Variants in ATAD1 observed in about 807,000 individuals in gnomAD.
ATAD1 encodes the protein ATPase family AAA domain containing 1, also known as outer mitochondrial transmembrane helix translocase.
ATAD1 carries 18 observed loss-of-function variants against 42.7 expected under a neutral mutation model. That is an observed-to-expected ratio of 0.42 (90% CI 0.29 to 0.63). The LOEUF is 0.63. Among genes scored for constraint, ATAD1 ranks in the 20% least tolerant of loss-of-function variants. The probability of loss-of-function intolerance (pLI) is 0.19; values close to 1 mark genes in which losing one functional copy is unlikely to be tolerated. For missense variants in ATAD1, 294 were observed against 440.4 expected (o/e 0.67, Z 2.98); for synonymous variants, 132 against 143.1 (o/e 0.92, Z 0.55).
At chr10:87,757,409 C>G (rs1186932520) in intron 8 of ATAD1, among the ~76,000 whole-genome samples, 2 of 152,080 alleles carry the variant, frequency 1.3e-5, no homozygotes, top group African/African-American at 2.4e-5. Context: ...AGTGACTGTC[C>G]TAGCCACATA....
intron 4 of ATAD1, among the ~76,000 whole-genome samples, chr10:87,787,021 G>A (rs1589508761): frequency 6.6e-6 from 1 of 152,004 alleles, no homozygotes; most frequent in East Asian, 1.9e-4. Context: ...TGAGTCTAGA[G>A]ATAACGTTAT....
chr10:87,787,193 T>C (rs1855880014), intron 4 of ATAD1, among the ~76,000 whole-genome samples: 1 of 152,256 alleles, frequency 6.6e-6, no homozygotes, highest in Admixed American at 6.5e-5. Context: ...CTGATACTTT[T>C]ATAACCAACT....
chr10:87,839,235 C>A (rs1857985817), intron 1 of ATAD1, among the ~76,000 whole-genome samples: 1 of 152,140 alleles, frequency 6.6e-6, no homozygotes, highest in African/African-American at 2.4e-5. Context: ...GTTTGGTCTT[C>A]AGTCACCTTG....
At chr10:87,813,659 T>C (rs1857284732) in intron 2 of ATAD1, among the ~76,000 whole-genome samples, 1 of 152,010 alleles carries the variant, frequency 6.6e-6, no homozygotes, top group South Asian at 2.1e-4. Flanking sequence ...TACCAAGTAG[T>C]TGATAGGGAC....
chr10:87,838,400 A>T lies in ATAD1; in HGVS notation c.-14+2787T>A, dbSNP rs558432600. ...CAATTAGCTGGGCGTGGTGGTGCACACCTGTAGCCTCAGATTGTGCCACTG... is the reference window on the plus strand; with the variant it reads ...CAATTAGCTGGGCGTGGTGGTGCACTCCTGTAGCCTCAGATTGTGCCACTG... On this transcript the variant is annotated intron_variant, in intron 1 of 4. Coordinates refer to the ATAD1 transcript ENST00000495903. Among the ~76,000 whole-genome samples, 12 of 134,470 alleles carry T rather than the reference A, an allele frequency of 8.9e-5. No homozygotes were observed. In the South Asian group the frequency reaches 3.0e-3, roughly 34 times the overall value. 88.2% of individuals were successfully genotyped at this position (134,470 alleles called of 152,430 possible). A position where few individuals can be genotyped will look rare whatever the true frequency, so the allele number is the denominator to read the frequency against.
chr10:87,761,650 T>G (rs1221273450), intron 8 of ATAD1, among the ~76,000 whole-genome samples: 1 of 151,762 alleles, frequency 6.6e-6, no homozygotes, highest in Admixed American at 6.6e-5. Flanking sequence ...AAGCAGAGAT[T>G]GTCTAAAAAA....
At position 87,814,503 on chromosome 10, in the gene ATAD1, T is replaced by G. The variant is rs1857325561; in HGVS notation, c.97A>C (p.Thr33Pro). 6.2e-7 allele frequency: 1 copy of G among 1,610,294 alleles called. No homozygotes were observed. ...LTIFGAVTYF[T>P]IKWMVDAIDP... Reference sequence around the variant, plus strand: ...ATTGCATCTACCATCCATTTGATAGTAAAGTATGTCACTGCACCAAATATT... The same window carrying G: ...ATTGCATCTACCATCCATTTGATAGGAAAGTATGTCACTGCACCAAATATT... The change falls in exon 2 of 10, where the codon ACT (threonine) becomes CCT (proline). Residue 33 changes from threonine to proline, a missense_variant. Transcript: ENST00000680024.
At chr10:87,788,131 A>G (rs1855924806) in intron 4 of ATAD1, among the ~76,000 whole-genome samples, 2 of 152,218 alleles carry the variant, frequency 1.3e-5, no homozygotes, top group East Asian at 3.8e-4. Context: ...CATGGTGTGC[A>G]TTAGCTTCAA....
chr10:87,793,993 G>A (rs1329707568), intron 2 of ATAD1, among the ~76,000 whole-genome samples: 1 of 152,008 alleles, frequency 6.6e-6, no homozygotes, highest in African/African-American at 2.4e-5. Flanking sequence ...GGAAGGCTGA[G>A]TTGGGAGGAT....
intron 3 of ATAD1, among the ~76,000 whole-genome samples, chr10:87,791,599 GGTGT>G (rs1183518629): frequency 6.6e-6 from 1 of 152,008 alleles, no homozygotes; most frequent in Non-Finnish European, 1.5e-5. Context: ...TTAATTCTAG[GGTGT>G]GTGTATGTCT....
In ATAD1 at chr10:87,831,210, T is replaced by G. The variant is rs1857822556; in HGVS notation, c.-14+9977A>C. On this transcript the variant is annotated intron_variant, in intron 1 of 4. Transcript: ENST00000495903. ...ATTTTAGAAATGACTGTGTTTGTTG[T>G]CATCATAATTATCTCACCAAGTGGT... is the stretch of plus-strand genomic sequence containing the variant. Among the ~76,000 whole-genome samples, 4 of 152,318 alleles carry G rather than the reference T, an allele frequency of 2.6e-5. No homozygotes were observed. The South Asian group carries it at 8.3e-4, about 32-fold the overall frequency.
chr10:87,755,522 C>A (rs1186334336), intron 9 of ATAD1, among the ~76,000 whole-genome samples: 1 of 152,008 alleles, frequency 6.6e-6, no homozygotes, highest in Non-Finnish European at 1.5e-5. Context: ...GGCTTTGAGG[C>A]AGCAAAAAAA....
intron 2 of ATAD1, among the ~76,000 whole-genome samples, chr10:87,809,751 G>A (rs1857096614): frequency 6.6e-6 from 1 of 151,828 alleles, no homozygotes; most frequent in Non-Finnish European, 1.5e-5. Context: ...CCGCCTCCTG[G>A]ATTCAAGCGA....
chr10:87,808,426 C>A (rs1857027197), intron 2 of ATAD1, among the ~76,000 whole-genome samples: 1 of 151,542 alleles, frequency 6.6e-6, no homozygotes, highest in African/African-American at 2.4e-5. Context: ...CTATAAAATA[C>A]ATTTGTTTTA....
At chr10:87,788,361 CA>C (rs1855934438) in intron 4 of ATAD1, among the ~76,000 whole-genome samples, 1 of 152,208 alleles carries the variant, frequency 6.6e-6, no homozygotes, top group Admixed American at 6.5e-5. Flanking sequence ...TCTGATTTTA[CA>C]CTCTGCTTCT....
rs1423077405 is a variant in ATAD1, at chr10:87,752,487, CTT to C, written c.*2198_*2199del. 1.3e-5 allele frequency: 2 copies of C among 152,132 alleles called. No homozygotes were observed. The highest frequency in any genetic ancestry group is 2.9e-5 in the Non-Finnish European group (2 of 68,026). The allele number at this position is 152,132 out of a possible 1,614,324, so 9.4% of individuals were successfully genotyped here. The stretch of plus-strand genomic sequence containing the variant: ...ACATGCATTATTTTATTATCCAACC[CTT>C]TAAGATGAGTGCCACTGTTGCCCCA... On this transcript the variant is annotated 3_prime_UTR_variant, in exon 10 of 10. Coordinates refer to ENST00000680024, the MANE Select transcript of ATAD1 (RefSeq NM_001321967.2).
intron 3 of ATAD1, among the ~76,000 whole-genome samples, chr10:87,791,271 G>A (rs1443529686): frequency 6.6e-6 from 1 of 151,302 alleles, no homozygotes; most frequent in East Asian, 1.9e-4. Context: ...ATAAAAACAG[G>A]GCATACGTAT....
chr10:87,784,179 C>A (rs1855706870), intron 5 of ATAD1, among the ~76,000 whole-genome samples: 1 of 152,152 alleles, frequency 6.6e-6, no homozygotes, highest in African/African-American at 2.4e-5. Context: ...AATGATTCAA[C>A]TTCTAGGTAT....
At chr10:87,824,427 T>C (rs1857688995) in intron 1 of ATAD1, among the ~76,000 whole-genome samples, 3 of 152,184 alleles carry the variant, frequency 2.0e-5, no homozygotes, top group Admixed American at 6.5e-5. Context: ...TACTGTATAC[T>C]GACTCTGTTA....
Sources: gnomAD v4.1 joint callset for allele counts (sites outside exome capture counted in the v4.1 genomes callset) on GRCh38, gnomAD v4.1.1 for gene constraint, MANE v1.5 for transcripts, NCBI Gene and HGNC (gene_info 2026-07-23, HGNC 2026-07-21) for gene names.